Variants in TAOK3 observed in about 807,000 individuals in gnomAD.
The protein encoded by TAOK3 is TAO kinase 3, also known as serine/threonine-protein kinase TAO3.
TAOK3 carries 40 observed loss-of-function variants against 120.4 expected under a neutral mutation model. That is an observed-to-expected ratio of 0.33 (90% confidence interval 0.26 to 0.43). The LOEUF (loss-of-function observed/expected upper bound fraction) is 0.43. Among genes scored for constraint, TAOK3 ranks in the 20% least tolerant of loss-of-function variants. The pLI is 1.00. For synonymous variants in TAOK3, 355 were observed against 387.5 expected (o/e 0.92, Z 0.99); for missense variants, 821 against 1,112.1 (o/e 0.74, Z 3.72).
chr12:118,370,956 T>C (rs142263955), intron 1 of TAOK3, among the ~76,000 whole-genome samples: 77 of 152,350 alleles, frequency 5.1e-4, no homozygotes, highest in African/African-American at 1.7e-3. Flanking sequence ...AGAAATCTAA[T>C]TGGAAAGAGC....
intron 15 of TAOK3, among the ~76,000 whole-genome samples, chr12:118,181,001 T>G (rs540909218): frequency 6.6e-6 from 1 of 152,054 alleles, no homozygotes; most frequent in East Asian, 1.9e-4. Flanking sequence ...TGTGCCACCA[T>G]GCCCGGCTAA....
chr12:118,327,390 A>G (rs2043977126), intron 1 of TAOK3, among the ~76,000 whole-genome samples: 1 of 152,232 alleles, frequency 6.6e-6, no homozygotes, highest in African/African-American at 2.4e-5. Context: ...TAATCATAGC[A>G]TGAAAGCTAA....
At chr12:118,282,460 G>A (rs2042129550) in intron 1 of TAOK3, among the ~76,000 whole-genome samples, 1 of 152,170 alleles carries the variant, frequency 6.6e-6, no homozygotes, top group Non-Finnish European at 1.5e-5. Context: ...ATCTTATGTT[G>A]TGGGAGTTCA....
At chr12:118,307,409 T>C (rs1354472140) in intron 1 of TAOK3, among the ~76,000 whole-genome samples, 1 of 152,200 alleles carries the variant, frequency 6.6e-6, no homozygotes, top group Non-Finnish European at 1.5e-5. Flanking sequence ...CCTTCTTCCC[T>C]GACTCCCCCT....
chr12:118,303,245 G>GT (rs2042939289), intron 1 of TAOK3, among the ~76,000 whole-genome samples: 1 of 152,058 alleles, frequency 6.6e-6, no homozygotes, highest in East Asian at 1.9e-4. Context: ...CTCCTCCTCT[G>GT]TTTTTTTGCT....
chr12:118,368,845 A>C (rs1221480848), intron 1 of TAOK3, among the ~76,000 whole-genome samples: 2 of 150,524 alleles, frequency 1.3e-5, no homozygotes, highest in Non-Finnish European at 3.0e-5. Flanking sequence ...TGAAAAAAAA[A>C]AAGAAAATAA....
Position 118,210,746 on chromosome 12 carries a change from T to TC in TAOK3, c.819+2167_819+2168insG, listed in dbSNP as rs1343101368. On this transcript the variant is annotated intron_variant, in intron 11 of 20. Coordinates refer to ENST00000392533, the MANE Select transcript of TAOK3 (RefSeq NM_016281.4). ...TTTATTTCTTTTCTTTTTTCTTTTT[T>TC]TTTTTTTTTTGAGACCTAGTGTCGC... Among the ~76,000 whole-genome samples the TC allele has an allele frequency of 6.3e-3, 949 of 150,868 alleles. 11 individuals are homozygous for TC. Among genetic ancestry groups the TC allele is most frequent in the African/African-American group, 0.022 (889 of 41,252 alleles).
intron 1 of TAOK3, among the ~76,000 whole-genome samples, chr12:118,298,989 G>T (rs995757744): frequency 1.3e-5 from 2 of 152,048 alleles, no homozygotes; most frequent in African/African-American, 4.8e-5. Context: ...ATATTTGTTA[G>T]AAAGAAAGCC....
intron 1 of TAOK3, among the ~76,000 whole-genome samples, chr12:118,269,273 T>C (rs111935559): frequency 2.0e-5 from 3 of 152,046 alleles, no homozygotes; most frequent in East Asian, 1.9e-4. Flanking sequence ...ACGATTCTCA[T>C]GCCTCAGCCT....
intron 3 of TAOK3, among the ~76,000 whole-genome samples, chr12:118,250,526 T>A (rs1050804036): frequency 6.6e-6 from 1 of 152,196 alleles, no homozygotes; most frequent in African/African-American, 2.4e-5. Context: ...CTTGCCAGCA[T>A]GACTATGACT....
At chr12:118,294,264 C>A (rs922877484) in intron 1 of TAOK3, among the ~76,000 whole-genome samples, 1 of 152,154 alleles carries the variant, frequency 6.6e-6, no homozygotes, top group African/African-American at 2.4e-5. Context: ...CCCCCGCAAA[C>A]TTCCCTTTTG....
At chr12:118,274,779 C>T (rs994573471) in intron 1 of TAOK3, among the ~76,000 whole-genome samples, 4 of 151,872 alleles carry the variant, frequency 2.6e-5, no homozygotes, top group African/African-American at 7.3e-5. Context: ...CAGGCACGTG[C>T]GACCACACCC....
intron 3 of TAOK3, among the ~76,000 whole-genome samples, chr12:118,252,723 CT>C (rs781342587): frequency 2.0e-3 from 283 of 139,816 alleles, no homozygotes; most frequent in Middle Eastern, 3.8e-3. Context: ...TTTTTCTTTT[CT>C]TTTTTTTTTT....
intron 5 of TAOK3, 107 bp downstream of exon 5, chr12:118,243,308 A>G: frequency 4.6e-6 from 3 of 645,982 alleles, no homozygotes; most frequent in Non-Finnish European, 7.9e-6. Flanking sequence ...CAAAAGTTAA[A>G]TGGAACAGAA....
chr12:118,160,366 G>A lies in TAOK3; in HGVS notation c.2140-8C>T. ...AATTTGCATTTCCATGGCCTGGGTAGAAAAAGTGACAAAGGAAAAATAAAG... is the reference window on the plus strand; with the variant it reads ...AATTTGCATTTCCATGGCCTGGGTAAAAAAAGTGACAAAGGAAAAATAAAG... On this transcript the variant is annotated splice_polypyrimidine_tract_variant and splice_region_variant and intron_variant, in intron 18 of 20. Transcript: ENST00000392533. This position sits in a 1 kb window ranked among gnomAD's most constrained non-coding sequence, Gnocchi z 4.2. The A allele has an allele frequency of 6.2e-7, 1 of 1,610,010 alleles. No homozygotes were observed. The highest frequency in any genetic ancestry group is 8.5e-7 in the Non-Finnish European group (1 of 1,177,836).
intron 9 of TAOK3, among the ~76,000 whole-genome samples, chr12:118,231,037 A>C (rs1017655810): frequency 1.3e-5 from 2 of 152,212 alleles, no homozygotes; most frequent in Non-Finnish European, 2.9e-5. Flanking sequence ...AAACATGTCT[A>C]AGTTAGTCAT....
At chr12:118,162,698 A>C (rs1228624758) in intron 17 of TAOK3, among the ~76,000 whole-genome samples, 1 of 151,706 alleles carries the variant, frequency 6.6e-6, no homozygotes, top group East Asian at 1.9e-4. Context: ...CTCCCCTTTC[A>C]TCTTCTGCAT....
At chr12:118,307,243 C>T (rs865781797) in intron 1 of TAOK3, among the ~76,000 whole-genome samples, 4 of 151,554 alleles carry the variant, frequency 2.6e-5, no homozygotes, top group Non-Finnish European at 5.9e-5. Flanking sequence ...TCTCTGGAGT[C>T]CTCATAGTTT....
intron 9 of TAOK3, among the ~76,000 whole-genome samples, chr12:118,231,759 A>G (rs1024487956): frequency 3.9e-5 from 6 of 151,958 alleles, no homozygotes; most frequent in Non-Finnish European, 8.8e-5. Flanking sequence ...CCCCATCTCT[A>G]TTAAAAACAC....
Sources: gnomAD v4.1 joint callset for allele counts (sites outside exome capture counted in the v4.1 genomes callset) on GRCh38, gnomAD v4.1.1 for gene constraint, Gnocchi (gnomAD v3.1) non-coding constraint, MANE v1.5 for transcripts, NCBI Gene and HGNC (gene_info 2026-07-23, HGNC 2026-07-21) for gene names.